SDHAF3: variants seen among roughly 807,000 people sequenced by gnomAD.
SDHAF3 encodes succinate dehydrogenase assembly factor 3, mitochondrial.
SDHAF3 carries 18 observed loss-of-function variants against 11.5 expected under a neutral mutation model. The observed-to-expected ratio is 1.56, with a 90% CI of 1.08 to 2.32. The LOEUF is 2.32. Among genes scored for constraint, SDHAF3 ranks in the 30% most tolerant of loss-of-function variants. The probability of loss-of-function intolerance (pLI) is 0.00; values close to 1 mark genes in which losing one functional copy is unlikely to be tolerated. For missense variants in SDHAF3, 200 were observed against 154.4 expected, an observed-to-expected ratio of 1.30 and a Z score of -1.57; for synonymous variants, 72 against 59.3, an observed-to-expected ratio of 1.21 and a Z score of -0.99.
intron 1 of SDHAF3, among the ~76,000 whole-genome samples, chr7:97,129,275 T>TCCTA (rs917923930): frequency 3.3e-5 from 5 of 152,212 alleles, no homozygotes; most frequent in African/African-American, 1.2e-4. Flanking sequence ...GCTCCTGATT[T>TCCTA]CCTACCTACC....
chr7:97,177,343 T>C (rs569598708), intron 1 of SDHAF3, among the ~76,000 whole-genome samples: 6 of 151,764 alleles, frequency 4.0e-5, no homozygotes, highest in Non-Finnish European at 5.9e-5. Flanking sequence ...CTACTAAAAA[T>C]ACAAAAAATT....
intron 1 of SDHAF3, among the ~76,000 whole-genome samples, chr7:97,148,331 T>C (rs1000634783): frequency 2.2e-4 from 33 of 152,176 alleles, no homozygotes; most frequent in Admixed American, 2.6e-4. Context: ...AGCCAGGAGA[T>C]GGAGACCAGT....
chr7:97,175,529 G>C (rs1359301576), intron 1 of SDHAF3, among the ~76,000 whole-genome samples: 1 of 152,140 alleles, frequency 6.6e-6, no homozygotes, highest in African/African-American at 2.4e-5. Flanking sequence ...AAACTAAGCA[G>C]TCCTCTTGCC....
intron 1 of SDHAF3, among the ~76,000 whole-genome samples, chr7:97,161,134 C>T (rs1053508356): frequency 5.3e-5 from 8 of 152,160 alleles, no homozygotes; most frequent in Non-Finnish European, 2.9e-5. Flanking sequence ...GCCACTCAGT[C>T]ACAGTACTCT....
intron 1 of SDHAF3, among the ~76,000 whole-genome samples, chr7:97,160,670 C>T (rs145131336): frequency 1.4e-3 from 212 of 152,162 alleles, no homozygotes; most frequent in African/African-American, 4.9e-3. Flanking sequence ...GCGCTGTAAG[C>T]GGTTGTAAAT....
At chr7:97,161,025 T>A (rs973147356) in intron 1 of SDHAF3, among the ~76,000 whole-genome samples, 1 of 152,196 alleles carries the variant, frequency 6.6e-6, no homozygotes, top group Non-Finnish European at 1.5e-5. Context: ...TGAAACACAT[T>A]TAGTAGAAAC....
intron 1 of SDHAF3, among the ~76,000 whole-genome samples, chr7:97,118,239 A>G (rs1211378814): frequency 6.6e-6 from 1 of 152,162 alleles, no homozygotes; most frequent in East Asian, 1.9e-4. Context: ...TGCACCTAGT[A>G]AGCGCCCATT....
chr7:97,122,408 G>T (rs1451265715), intron 1 of SDHAF3, among the ~76,000 whole-genome samples: 1 of 152,042 alleles, frequency 6.6e-6, no homozygotes, highest in Non-Finnish European at 1.5e-5. Context: ...AAAGTAGGGA[G>T]AACTGTTAGT....
rs1791426733 is a variant in SDHAF3 at position 97,117,770 on chromosome 7, T to C, written c.47T>C (p.Val16Ala). ...VSRVRALYKR[V>A]LQLHRVLPPD... ...CGAGTCCGGGCATTGTACAAGCGCG[T>C]CTTGCAGCTGCACCGTGTTCTGCCC... Residue 16 changes from valine to alanine, a missense_variant, in exon 1 of 2, where the codon GTC becomes GCC. Val to Ala is a moderately conservative substitution (Grantham distance 64). Coordinates refer to ENST00000432641, the MANE Select transcript of SDHAF3 (RefSeq NM_020186.3). 6.2e-7 allele frequency: 1 copy of C among 1,614,154 alleles called. No individual in the cohort carries two copies. The highest frequency in any genetic ancestry group is 1.7e-5 in the Admixed American group (1 of 60,026).
intron 1 of SDHAF3, among the ~76,000 whole-genome samples, chr7:97,169,593 A>G (rs979204720): frequency 1.3e-5 from 2 of 152,126 alleles, no homozygotes; most frequent in African/African-American, 4.8e-5. Flanking sequence ...TTACATCAAA[A>G]TAGAATTTGA....
intron 1 of SDHAF3, among the ~76,000 whole-genome samples, chr7:97,123,101 G>T (rs1460235425): frequency 6.6e-6 from 1 of 151,950 alleles, no homozygotes; most frequent in East Asian, 1.9e-4. Context: ...TAGGTTTTAA[G>T]CCCTGCATGC....
chr7:97,120,774 A>G (rs1298559237), intron 1 of SDHAF3, among the ~76,000 whole-genome samples: 1 of 152,148 alleles, frequency 6.6e-6, no homozygotes, highest in Non-Finnish European at 1.5e-5. Context: ...GTTTTACATC[A>G]GGGGCAACGT....
At chr7:97,124,179 A>C (rs1428277194) in intron 1 of SDHAF3, among the ~76,000 whole-genome samples, 1 of 152,066 alleles carries the variant, frequency 6.6e-6, no homozygotes, top group African/African-American at 2.4e-5. Flanking sequence ...GTAAAGTGTA[A>C]GGAAGGGGTC....
intron 1 of SDHAF3, among the ~76,000 whole-genome samples, chr7:97,179,931 A>G (rs1162309580): frequency 6.6e-6 from 1 of 152,258 alleles, no homozygotes; most frequent in African/African-American, 2.4e-5. Context: ...AGCAATTTAT[A>G]TATCTCAAGC....
At chr7:97,158,791 T>C (rs1789350079) in intron 1 of SDHAF3, among the ~76,000 whole-genome samples, 1 of 152,222 alleles carries the variant, frequency 6.6e-6, no homozygotes, top group Admixed American at 6.5e-5. Flanking sequence ...GATTTTTAAC[T>C]TTAGCTAACT....
intron 1 of SDHAF3, among the ~76,000 whole-genome samples, chr7:97,177,825 AC>A (rs1357860334): frequency 1.3e-5 from 2 of 152,134 alleles, no homozygotes; most frequent in African/African-American, 4.8e-5. Flanking sequence ...ATTTATGATG[AC>A]CGTATTTTCT....
intron 1 of SDHAF3, among the ~76,000 whole-genome samples, chr7:97,146,260 A>G (rs942494536): frequency 6.6e-6 from 1 of 152,172 alleles, no homozygotes; most frequent in African/African-American, 2.4e-5. Context: ...GTTTGGTTGT[A>G]TAATTTGTTG....
chr7:97,156,204 C>T (rs1470709527), intron 1 of SDHAF3, among the ~76,000 whole-genome samples: 1 of 152,120 alleles, frequency 6.6e-6, no homozygotes, highest in African/African-American at 2.4e-5. Context: ...TCAGCCTTTC[C>T]CTGTTTTTGA....
intron 1 of SDHAF3, among the ~76,000 whole-genome samples, chr7:97,171,354 T>TA (rs1417730848): frequency 6.6e-6 from 1 of 152,118 alleles, no homozygotes; most frequent in Non-Finnish European, 1.5e-5. Flanking sequence ...TTCAAAACTA[T>TA]AAAAAATTAC....
Sources: gnomAD v4.1 joint callset for allele counts (sites outside exome capture counted in the v4.1 genomes callset) on GRCh38, gnomAD v4.1.1 for gene constraint, MANE v1.5 for transcripts, NCBI Gene and HGNC (gene_info 2026-07-23, HGNC 2026-07-21) for gene names.